The following POLR1D variants were observed in gnomAD, a reference collection of about 807,000 sequenced individuals.
POLR1D encodes the protein RNA polymerase I and III subunit D.
POLR1D carries 8 observed loss-of-function variants against 10.8 expected under a neutral mutation model. The ratio of observed to expected loss-of-function variants is 0.74; its 90% CI spans 0.43 to 1.33. The LOEUF is 1.33. Ranked by LOEUF, POLR1D falls within the 40% of genes most tolerant of loss-of-function variation. The pLI is 0.01. For missense variants in POLR1D, 152 were observed against 161.7 expected (o/e 0.94, Z 0.32); for synonymous variants, 54 against 57.2 (o/e 0.94, Z 0.25).
chr13:27,622,114 A>C, intron 1 of POLR1D, 105 bp downstream of exon 1: 1 of 943,438 alleles, frequency 1.1e-6, no homozygotes, highest in Non-Finnish European at 1.7e-6. Flanking sequence ...CTCGGGGCGC[A>C]GAGAAGAAGC....
At chr13:27,635,710 ATATATATAT>A (rs1956118206) in intron 1 of POLR1D, among the ~76,000 whole-genome samples, 1 of 145,292 alleles carries the variant, frequency 6.9e-6, no homozygotes, top group Non-Finnish European at 1.5e-5. Flanking sequence ...ATATATATAT[ATATATATAT>A]ATATATACAT....
At chr13:27,664,966 T>A (rs1328473058) in intron 2 of POLR1D, 3 of 152,216 alleles carry the variant, frequency 2.0e-5, no homozygotes, top group Non-Finnish European at 4.4e-5. Context: ...AAAAAGATAA[T>A]ACATAGTATA....
At chr13:27,628,289 A>G (rs919838197), downstream of POLR1D, among the ~76,000 whole-genome samples, 1 of 152,248 alleles carries the variant, frequency 6.6e-6, no homozygotes, top group African/African-American at 2.4e-5. Flanking sequence ...GGCTCTGTAA[A>G]TATTGAGCAC....
intron 2 of POLR1D, chr13:27,651,456 A>G (rs1011313662): frequency 6.6e-6 from 1 of 152,184 alleles, no homozygotes; most frequent in African/African-American, 2.4e-5. Flanking sequence ...TAGGTGTGAT[A>G]GTATTGCTGT....
intron 1 of POLR1D, among the ~76,000 whole-genome samples, chr13:27,632,984 C>T (rs1281979719): frequency 7.9e-5 from 12 of 152,226 alleles, no homozygotes; most frequent in African/African-American, 2.6e-4. Context: ...CTATAAGCTT[C>T]GAATTGAGAA....
upstream of POLR1D, chr13:27,621,074 C>G (rs1955906612): frequency 1.3e-5 from 2 of 153,654 alleles, no homozygotes; most frequent in Admixed American, 6.5e-5. Flanking sequence ...ACGCAGGGAG[C>G]TGGATGGAGA....
At position 27,663,553 on chromosome 13, in the gene POLR1D, T is replaced by C. The variant is rs1173055354; in HGVS notation, c.102-2133T>C. 3.9e-5 allele frequency among the ~76,000 whole-genome samples: 6 copies of C among 152,262 alleles called. No homozygotes were observed. The highest frequency in any genetic ancestry group is 1.4e-4 in the African/African-American group (6 of 41,470). On this transcript the variant is annotated intron_variant, in intron 2 of 2. Coordinates refer to the POLR1D transcript ENST00000399697. The surrounding 1 kb of genome is among the most constrained non-coding windows in gnomAD (Gnocchi z 4.1). Reference sequence around the variant, plus strand: ...GAAGATAGGTGCAGTCCCCTCTGCCTCTTGGCGTGAATGCTGCAGTTAGTA... The same window carrying C: ...GAAGATAGGTGCAGTCCCCTCTGCCCCTTGGCGTGAATGCTGCAGTTAGTA...
chr13:27,629,498 G>T (rs1170217873), intron 1 of POLR1D, among the ~76,000 whole-genome samples: 4 of 152,112 alleles, frequency 2.6e-5, no homozygotes, highest in Non-Finnish European at 5.9e-5. Context: ...AGCTGGGTTG[G>T]TTTATATTCC....
chr13:27,640,526 T>C (rs1169898942), intron 1 of POLR1D, among the ~76,000 whole-genome samples: 1 of 137,884 alleles, frequency 7.3e-6, no homozygotes, highest in Non-Finnish European at 1.5e-5. Flanking sequence ...AGTGCTAAGC[T>C]TCCATTTTCT....
At chr13:27,657,621 A>C (rs182258462) in intron 2 of POLR1D, among the ~76,000 whole-genome samples, 37 of 152,320 alleles carry the variant, frequency 2.4e-4, no homozygotes, top group African/African-American at 4.6e-4. Context: ...TCGGTCCTAC[A>C]GGTTTTTTGT....
upstream of POLR1D, chr13:27,621,814 C>T (rs1010941770): frequency 1.1e-5 from 7 of 643,810 alleles, 1 homozygote; most frequent in South Asian, 1.3e-4. Flanking sequence ...CCTCATGCCC[C>T]GCCCCGCGGC....
chr13:27,630,742 G>C (rs1308158331), intron 1 of POLR1D, among the ~76,000 whole-genome samples: 1 of 152,204 alleles, frequency 6.6e-6, no homozygotes, highest in African/African-American at 2.4e-5. Flanking sequence ...TCAAACATTA[G>C]CTATTGCTAT....
At chr13:27,656,378 C>G (rs1342176843) in intron 2 of POLR1D, among the ~76,000 whole-genome samples, 2 of 152,078 alleles carry the variant, frequency 1.3e-5, no homozygotes, top group Non-Finnish European at 2.9e-5. Flanking sequence ...GTGTATATAT[C>G]AAAACTACAA....
At chr13:27,664,162 G>A (rs906495275) in intron 2 of POLR1D, among the ~76,000 whole-genome samples, 8 of 152,156 alleles carry the variant, frequency 5.3e-5, no homozygotes, top group Admixed American at 3.3e-4. Context: ...CTGTCTTCCC[G>A]CACAGGAATG....
At chr13:27,654,137 CTG>C (rs1202033730) in intron 2 of POLR1D, among the ~76,000 whole-genome samples, 2 of 152,178 alleles carry the variant, frequency 1.3e-5, no homozygotes, top group African/African-American at 4.8e-5. Context: ...TTTCAGAAGA[CTG>C]TAGATATTCT....
intron 1 of POLR1D, chr13:27,622,405 G>A (rs1955951486): frequency 3.1e-6 from 1 of 318,900 alleles, no homozygotes; most frequent in Non-Finnish European, 5.8e-6. Flanking sequence ...CCTGCTGCTT[G>A]ACTCCTGAAC....
At chr13:27,647,852 C>T (rs1956234087) in intron 1 of POLR1D, among the ~76,000 whole-genome samples, 1 of 152,074 alleles carries the variant, frequency 6.6e-6, no homozygotes, top group African/African-American at 2.4e-5. Flanking sequence ...TTTAGATCAA[C>T]TGGTATATAC....
intron 2 of POLR1D, chr13:27,665,456 A>G (rs1410913285): frequency 1.8e-6 from 1 of 551,880 alleles, no homozygotes; most frequent in Admixed American, 3.1e-5. Flanking sequence ...CCAGGAAGGA[A>G]GAAAGGTTTA....
intron 2 of POLR1D, among the ~76,000 whole-genome samples, chr13:27,657,888 C>T (rs998394378): frequency 2.0e-5 from 3 of 152,178 alleles, no homozygotes; most frequent in African/African-American, 7.2e-5. Flanking sequence ...TTCAGTCCAG[C>T]AGTTCAGCAC....
Sources: gnomAD v4.1 joint callset for allele counts (sites outside exome capture counted in the v4.1 genomes callset) on GRCh38, gnomAD v4.1.1 for gene constraint, Gnocchi (gnomAD v3.1) non-coding constraint, MANE v1.5 for transcripts, NCBI Gene and HGNC (gene_info 2026-07-23, HGNC 2026-07-21) for gene names.